Variants in SPTBN1 observed in about 807,000 individuals in gnomAD.
SPTBN1 encodes the protein spectrin beta, non-erythrocytic 1.
SPTBN1 carries 32 observed loss-of-function variants against 266.4 expected under a neutral mutation model. The observed-to-expected ratio is 0.12, with a 90% CI of 0.09 to 0.16. The LOEUF (loss-of-function observed/expected upper bound fraction) is 0.16. Ranked by LOEUF, SPTBN1 falls within the 10% of genes least tolerant of loss-of-function variation. The pLI is 1.00. For synonymous variants in SPTBN1, 1,336 were observed against 1,162.2 expected (o/e 1.15, Z -3.04); for missense variants, 2,296 against 3,067.1 (o/e 0.75, Z 5.94).
At chr2:54,619,286 G>C (rs1449135814) in intron 7 of SPTBN1, among the ~76,000 whole-genome samples, 1 of 152,144 alleles carries the variant, frequency 6.6e-6, no homozygotes, top group African/African-American at 2.4e-5. Flanking sequence ...CCCATTAAAT[G>C]GTTTCTCAAT....
At chr2:54,668,263 G>A in intron 35 of SPTBN1, 88 bp from the exon 36 acceptor site, 2 of 1,311,064 alleles carry the variant, frequency 1.5e-6, no homozygotes, top group Non-Finnish European at 2.2e-6. Context: ...CCCTCAGTTG[G>A]CCAGATGCGC....
intron 24 of SPTBN1, 150 bp downstream of exon 24, chr2:54,647,411 AT>A: frequency 9.3e-7 from 1 of 1,074,718 alleles, no homozygotes; most frequent in South Asian, 1.6e-5. Flanking sequence ...CAGACCCATC[AT>A]TTAAAACATC....
At chr2:54,525,328 C>A (rs1670736808) in intron 1 of SPTBN1, among the ~76,000 whole-genome samples, 1 of 151,914 alleles carries the variant, frequency 6.6e-6, no homozygotes, top group African/African-American at 2.4e-5. Context: ...CAACCAAAAC[C>A]TCCGGCTCCT....
At chr2:54,642,928 A>G in intron 18 of SPTBN1, 55 bp from the exon 19 acceptor site, 5 of 1,576,460 alleles carry the variant, frequency 3.2e-6, no homozygotes, top group Non-Finnish European at 4.3e-6. Context: ...TTCCAGGCGG[A>G]AAAAAGGCTG....
At chr2:54,559,958 A>G (rs1287429711) in intron 2 of SPTBN1, among the ~76,000 whole-genome samples, 1 of 152,114 alleles carries the variant, frequency 6.6e-6, no homozygotes, top group East Asian at 1.9e-4. Flanking sequence ...GAAATAGTTG[A>G]CAGTAATGAC....
intron 11 of SPTBN1, among the ~76,000 whole-genome samples, chr2:54,625,384 C>T (rs1054963675): frequency 2.6e-5 from 4 of 152,076 alleles, no homozygotes; most frequent in East Asian, 3.8e-4. Context: ...GTACTAGATA[C>T]GAACTGGGCC....
At chr2:54,583,729 G>T (rs1359467429) in intron 2 of SPTBN1, among the ~76,000 whole-genome samples, 1 of 152,096 alleles carries the variant, frequency 6.6e-6, no homozygotes, top group East Asian at 1.9e-4. Context: ...ATTCAGGGTG[G>T]CATTTTATTT....
At chr2:54,507,724 T>G (rs1669649004) in intron 1 of SPTBN1, among the ~76,000 whole-genome samples, 1 of 152,098 alleles carries the variant, frequency 6.6e-6, no homozygotes, top group Admixed American at 6.5e-5. Flanking sequence ...ATCTTTGAGT[T>G]TTTTTTAATG....
At position 54,645,215 on chromosome 2, in the gene SPTBN1, T is replaced by G; in HGVS notation, c.4270-14T>G. On this transcript the variant is annotated splice_polypyrimidine_tract_variant and intron_variant, in intron 20 of 35. Transcript: ENST00000356805. The surrounding 1 kb of genome is among the most constrained non-coding windows in gnomAD (Gnocchi z 4.3). ...AGTCTGTGCTGAGCGCTGAGGCTGC[T>G]TCTCTGCCCTCAGATGCTGGAGAAT... 1.2e-6 allele frequency: 2 copies of G among 1,613,756 alleles called. No individual in the cohort carries two copies. Among genetic ancestry groups the G allele is most frequent in the Non-Finnish European group, 1.7e-6 (2 of 1,179,684 alleles).
chr2:54,571,538 A>G (rs911065772), intron 2 of SPTBN1, among the ~76,000 whole-genome samples: 1 of 146,046 alleles, frequency 6.8e-6, no homozygotes, highest in African/African-American at 2.5e-5. Context: ...CTGTTCCCTA[A>G]TTGTATGTAC....
Position 54,465,680 on chromosome 2 carries a change from G to A in SPTBN1, c.-48+9162G>A, listed in dbSNP as rs191689929. Among the ~76,000 whole-genome samples the A allele has an allele frequency of 2.4e-3, 249 of 103,364 alleles. 4 individuals are homozygous for A. Among genetic ancestry groups the A allele is most frequent in the African/African-American group, 8.2e-3 (229 of 28,090 alleles). The allele number at this position is 103,364 out of a possible 152,430, so 67.8% of individuals were successfully genotyped here. A position where few individuals can be genotyped will look rare whatever the true frequency, so the allele number is the denominator to read the frequency against. ...TATATATATATATATCTCACACATG[G>A]GAGAGAGAGGTGTGTGTTTGATTGA... On this transcript the variant is annotated intron_variant, in intron 1 of 35. Transcript: ENST00000356805.
At chr2:54,575,967 TAC>T in intron 2 of SPTBN1, among the ~76,000 whole-genome samples, 1 of 151,174 alleles carries the variant, frequency 6.6e-6, no homozygotes, top group East Asian at 1.9e-4. Context: ...CAGACTTTGG[TAC>T]AGTTTAGGTT....
At chr2:54,503,341 C>G (rs1226503331) in intron 1 of SPTBN1, among the ~76,000 whole-genome samples, 1 of 152,212 alleles carries the variant, frequency 6.6e-6, no homozygotes, top group Non-Finnish European at 1.5e-5. Context: ...GTGTGGGGGT[C>G]TCATTGCTCA....
chr2:54,504,333 T>A (rs1669439391), intron 1 of SPTBN1, among the ~76,000 whole-genome samples: 1 of 152,210 alleles, frequency 6.6e-6, no homozygotes, highest in East Asian at 1.9e-4. Flanking sequence ...TATTTCCTCC[T>A]TTTTCGGAGA....
intron 2 of SPTBN1, among the ~76,000 whole-genome samples, chr2:54,577,526 T>C: frequency 6.6e-6 from 1 of 152,186 alleles, no homozygotes; most frequent in East Asian, 1.9e-4. Flanking sequence ...TAGCCCTGTA[T>C]TGGTGGTGGT....
In SPTBN1 at chr2:54,649,623, A is replaced by G. The variant is rs1023559599; in HGVS notation, c.5211A>G (p.Gln1737=). Residue 1737 remains glutamine, a synonymous_variant, in exon 26 of 36, where the codon CAA becomes CAG. Transcript: ENST00000356805. The surrounding 1 kb of genome is among the most constrained non-coding windows in gnomAD (Gnocchi z 6.7). ...ACCCATCCCCGTTTCAGATGTTACAAGAACGATTCCGGGAGTTTGCCCGAG... is the reference window on the plus strand; with the variant it reads ...ACCCATCCCCGTTTCAGATGTTACAGGAACGATTCCGGGAGTTTGCCCGAG... ...GQDYEHVTML[Q]ERFREFARDT... The G allele has an allele frequency of 1.2e-6, 2 of 1,607,490 alleles. No individual in the cohort carries two copies. The highest frequency in any genetic ancestry group is 1.7e-6 in the Non-Finnish European group (2 of 1,174,380).
At chr2:54,492,139 G>C (rs951088161) in intron 1 of SPTBN1, among the ~76,000 whole-genome samples, 1 of 152,026 alleles carries the variant, frequency 6.6e-6, no homozygotes, top group Admixed American at 6.6e-5. Flanking sequence ...TGTAATCCTA[G>C]AGCTAAGCCA....
Position 54,616,093 on chromosome 2 carries a change from A to G in SPTBN1, c.475-114A>G, listed in dbSNP as rs575472160. 1.3e-4 allele frequency: 100 copies of G among 784,812 alleles called. No homozygotes were observed. In the South Asian group the frequency reaches 2.2e-3, roughly 17 times the overall value. The allele number at this position is 784,812 out of a possible 1,614,324, so 48.6% of individuals were successfully genotyped here. A position where few individuals can be genotyped will look rare whatever the true frequency, so the allele number is the denominator to read the frequency against. Reference sequence around the variant, plus strand: ...TTCATTGACAGGGTAGATCGTCTGCAGGGCAAGGCTATGATCTACAGTTTA... The same window carrying G: ...TTCATTGACAGGGTAGATCGTCTGCGGGGCAAGGCTATGATCTACAGTTTA... On this transcript the variant is annotated intron_variant, in intron 4 of 35. Transcript: ENST00000356805.
intron 32 of SPTBN1, chr2:54,660,329 G>C: frequency 7.9e-7 from 1 of 1,267,990 alleles, no homozygotes; most frequent in South Asian, 2.2e-5. Context: ...ATTTTACAGC[G>C]AAACCCTTAC....
Sources: allele counts gnomAD v4.1 joint callset (sites outside exome capture counted in the v4.1 genomes callset), GRCh38; gene constraint gnomAD v4.1.1; non-coding constraint Gnocchi (gnomAD v3.1); transcripts MANE v1.5; gene names NCBI Gene and HGNC (gene_info 2026-07-23, HGNC 2026-07-21).